KIAA1549L: variants seen among roughly 807,000 people sequenced by gnomAD.
The protein encoded by KIAA1549L is UPF0606 protein KIAA1549L.
In KIAA1549L, 88 loss-of-function variants were observed where a neutral mutation model predicts 160.7. That is an observed-to-expected ratio of 0.55 (90% CI 0.46 to 0.65). The LOEUF (loss-of-function observed/expected upper bound fraction) is 0.65. Ranked by LOEUF, KIAA1549L falls within the 30% of genes least tolerant of loss-of-function variation. The pLI is 0.00. For synonymous variants in KIAA1549L, 950 were observed against 976.7 expected, an observed-to-expected ratio of 0.97 and a Z score of 0.51; for missense variants, 2,258 against 2,437.5, an observed-to-expected ratio of 0.93 and a Z score of 1.55.
At chr11:33,665,516 C>G (rs1852413933) in intron 20 of KIAA1549L, 1 of 152,392 alleles carries the variant, frequency 6.6e-6, no homozygotes. Flanking sequence ...GTCCCATAGT[C>G]TCTCTCTCTT....
intron 1 of KIAA1549L, among the ~76,000 whole-genome samples, chr11:33,435,773 T>TACAC (rs764163021): frequency 0.2 from 1,875 of 9,340 alleles, 201 homozygotes; most frequent in African/African-American, 0.3. Context: ...TATATATATA[T>TACAC]ATATATATAT....
Position 33,668,302 on chromosome 11 carries a change from G to C in KIAA1549L, c.*148G>C. 1.3e-6 allele frequency: 1 copy of C among 746,558 alleles called. No individual in the cohort carries two copies. The highest frequency in any genetic ancestry group is 3.1e-4 in the Middle Eastern group (1 of 3,238). The allele number at this position is 746,558 out of a possible 1,614,324, so 46.2% of individuals were successfully genotyped here. On this transcript the variant is annotated 3_prime_UTR_variant, in exon 21 of 21. Coordinates refer to ENST00000658780, the MANE Select transcript of KIAA1549L (RefSeq NM_012194.3). Reference sequence around the variant, plus strand: ...GAAAAGGTGAACTATGGGGCTTCTGGGAACAGGAAACTCTTGAACGACTAG... The same window carrying C: ...GAAAAGGTGAACTATGGGGCTTCTGCGAACAGGAAACTCTTGAACGACTAG...
intron 1 of KIAA1549L, among the ~76,000 whole-genome samples, chr11:33,381,069 C>T (rs752667567): frequency 1.3e-5 from 2 of 151,872 alleles, no homozygotes; most frequent in African/African-American, 2.4e-5. Context: ...AGCCCAGTGC[C>T]GTCCAAACTT....
intron 1 of KIAA1549L, among the ~76,000 whole-genome samples, chr11:33,412,055 A>G (rs1370114160): frequency 6.6e-6 from 1 of 152,182 alleles, no homozygotes; most frequent in Non-Finnish European, 1.5e-5. Context: ...TCAGTGAAAC[A>G]TTCTCATTTC....
At chr11:33,401,238 A>ATACATTTATATATATATATATATAT (rs1850493309) in intron 1 of KIAA1549L, among the ~76,000 whole-genome samples, 1 of 147,976 alleles carries the variant, frequency 6.8e-6, no homozygotes, top group African/African-American at 2.5e-5. Context: ...ATTATATATT[A>ATACATTTATATATATATATATATAT]ATATAGTATA....
rs564868526 is a variant in KIAA1549L, at chr11:33,407,436, G to A, written c.238+30547G>A. ...GGCTCACTGCAACCTCTGCCTCCCG[G>A]GTTCAAGTGATTCTCCTGCCTCAGT... On this transcript the variant is annotated intron_variant, in intron 1 of 20. Transcript: ENST00000658780. 1.6e-4 allele frequency among the ~76,000 whole-genome samples: 25 copies of A among 152,094 alleles called. No homozygotes were observed. The South Asian group carries it at 5.0e-3, about 30-fold the overall frequency.
At chr11:33,571,557 A>G (rs996189035) in intron 9 of KIAA1549L, among the ~76,000 whole-genome samples, 1 of 152,208 alleles carries the variant, frequency 6.6e-6, no homozygotes, top group African/African-American at 2.4e-5. Context: ...CAAGCATGGC[A>G]GAAGATGAAG....
intron 7 of KIAA1549L, 39 bp from the exon 8 acceptor site, chr11:33,561,637 C>T (rs1854861634): frequency 7.0e-7 from 1 of 1,436,586 alleles, no homozygotes; most frequent in Non-Finnish European, 9.8e-7. Context: ...ACAAATCAAA[C>T]CTATAAAAGT....
chr11:33,438,759 A>G (rs976933639), intron 1 of KIAA1549L, among the ~76,000 whole-genome samples: 2 of 152,092 alleles, frequency 1.3e-5, no homozygotes, highest in Non-Finnish European at 2.9e-5. Context: ...GAAGTCTTGG[A>G]AGACTTCTTG....
chr11:33,498,098 G>A (rs759886846), intron 1 of KIAA1549L, among the ~76,000 whole-genome samples: 51 of 152,116 alleles, frequency 3.4e-4, no homozygotes, highest in Non-Finnish European at 6.3e-4. Flanking sequence ...ATACCAGCCT[G>A]GGCAGCATAG....
intron 1 of KIAA1549L, among the ~76,000 whole-genome samples, chr11:33,377,737 C>T (rs964165454): frequency 3.9e-5 from 6 of 152,126 alleles, no homozygotes; most frequent in South Asian, 2.1e-4. Flanking sequence ...ATAATGTGTT[C>T]CTGTAGTTTT....
In KIAA1549L at chr11:33,431,818, G is replaced by A. The variant is rs112712298; in HGVS notation, c.238+54929G>A. 6.6e-4 allele frequency among the ~76,000 whole-genome samples: 100 copies of A among 152,336 alleles called. 1 individual carries two copies. Among genetic ancestry groups the A allele is most frequent in the African/African-American group, 2.2e-3 (92 of 41,576 alleles). The stretch of plus-strand genomic sequence containing the variant: ...GGGGCGGTGCTCATCGGGGAGGCTC[G>A]GGCTGCACAGGAACCCAGGGAGGCC... On this transcript the variant is annotated intron_variant, in intron 1 of 20. Transcript: ENST00000658780.
intron 16 of KIAA1549L, among the ~76,000 whole-genome samples, chr11:33,638,116 T>C (rs1460568903): frequency 6.6e-6 from 1 of 152,152 alleles, no homozygotes; most frequent in Non-Finnish European, 1.5e-5. Flanking sequence ...TATGGGAAAA[T>C]TGACATATGG....
intron 16 of KIAA1549L, among the ~76,000 whole-genome samples, chr11:33,641,012 A>C (rs1851566246): frequency 6.6e-6 from 1 of 152,224 alleles, no homozygotes; most frequent in Non-Finnish European, 1.5e-5. Context: ...CTCTTTTGTC[A>C]AATAAAAGCA....
At chr11:33,619,641 A>T (rs1850907876) in intron 16 of KIAA1549L, among the ~76,000 whole-genome samples, 1 of 152,186 alleles carries the variant, frequency 6.6e-6, no homozygotes, top group African/African-American at 2.4e-5. Flanking sequence ...TGAATTTCTA[A>T]TCACCTTCCT....
At chr11:33,552,641 T>C (rs2133201163) in intron 6 of KIAA1549L, among the ~76,000 whole-genome samples, 1 of 145,896 alleles carries the variant, frequency 6.9e-6, no homozygotes, top group East Asian at 2.0e-4. Context: ...TGCCTTAGTT[T>C]AGACACATGC....
intron 1 of KIAA1549L, among the ~76,000 whole-genome samples, chr11:33,471,036 G>C (rs1009571588): frequency 2.0e-5 from 3 of 151,986 alleles, no homozygotes; most frequent in Non-Finnish European, 4.4e-5. Context: ...GCCCAGGCTG[G>C]TTTCAAACTC....
intron 1 of KIAA1549L, among the ~76,000 whole-genome samples, chr11:33,449,662 C>T (rs916460989): frequency 6.6e-6 from 1 of 151,820 alleles, no homozygotes; most frequent in South Asian, 2.1e-4. Flanking sequence ...GAAATACCAC[C>T]TCCTGATGGT....
At chr11:33,410,174 C>T (rs1850759645) in intron 1 of KIAA1549L, among the ~76,000 whole-genome samples, 2 of 152,066 alleles carry the variant, frequency 1.3e-5, no homozygotes, top group South Asian at 4.2e-4. Context: ...GAGAAGTTAC[C>T]ATTAAAGAGG....
Sources: gnomAD v4.1 joint callset for allele counts (sites outside exome capture counted in the v4.1 genomes callset) on GRCh38, gnomAD v4.1.1 for gene constraint, MANE v1.5 for transcripts, NCBI Gene and HGNC (gene_info 2026-07-23, HGNC 2026-07-21) for gene names.